Variants in GABRB2 observed in about 807,000 individuals in gnomAD.
GABRB2 encodes gamma-aminobutyric acid type A receptor subunit beta2, also known as gamma-aminobutyric acid receptor subunit beta-2.
Under a neutral mutation model 54.7 loss-of-function variants are expected in GABRB2, and 16 were observed. The observed-to-expected ratio is 0.29, with a 90% confidence interval of 0.20 to 0.44. The LOEUF (loss-of-function observed/expected upper bound fraction) is 0.44, where lower values mean the gene tolerates loss of function less well. Ranked by LOEUF, GABRB2 falls within the 20% of genes least tolerant of loss-of-function variation. The pLI, the probability that GABRB2 is intolerant of heterozygous loss-of-function variation, is 1.00. For missense variants in GABRB2, 355 were observed against 644.0 expected (o/e 0.55, Z 4.86); for synonymous variants, 244 against 233.8 (o/e 1.04, Z -0.40).
rs541513242 is a variant in GABRB2 at position 161,470,252 on chromosome 5, G to A, written c.238-10408C>T. 6.7e-4 allele frequency among the ~76,000 whole-genome samples: 102 copies of A among 151,762 alleles called. 2 individuals carry two copies. In the South Asian group the frequency reaches 0.02, roughly 30 times the overall value. Reference sequence around the variant, plus strand: ...TACTGAATTGAACAGTTATTTAGATGAGGGGAATAATCTCCACAACTAAAC... The same window carrying A: ...TACTGAATTGAACAGTTATTTAGATAAGGGGAATAATCTCCACAACTAAAC... On this transcript the variant is annotated intron_variant, in intron 3 of 9. Coordinates refer to ENST00000393959, the MANE Select transcript of GABRB2 (RefSeq NM_001371727.1).
intron 9 of GABRB2, among the ~76,000 whole-genome samples, chr5:161,297,415 A>G (rs574850723): frequency 2.6e-5 from 4 of 152,174 alleles, no homozygotes; most frequent in South Asian, 2.1e-4. Context: ...TATTTCTCCT[A>G]ATGCTATCCC....
intron 9 of GABRB2, among the ~76,000 whole-genome samples, chr5:161,323,849 T>C (rs1390492567): frequency 6.6e-6 from 1 of 152,208 alleles, no homozygotes; most frequent in Non-Finnish European, 1.5e-5. Flanking sequence ...GGCTATTAGG[T>C]ATGTAAACTA....
At chr5:161,334,949 A>G in intron 6 of GABRB2, 45 bp from the exon 7 acceptor site, 1 of 1,587,688 alleles carries the variant, frequency 6.3e-7, no homozygotes, top group South Asian at 1.1e-5. Context: ...ATCAATATTT[A>G]TAGGATACTT....
At chr5:161,469,258 CTT>C (rs1412232574) in intron 3 of GABRB2, among the ~76,000 whole-genome samples, 3 of 151,666 alleles carry the variant, frequency 2.0e-5, no homozygotes, top group Non-Finnish European at 4.4e-5. Flanking sequence ...ACAAATATGT[CTT>C]TATGCATATT....
chr5:161,398,693 T>C (rs1756082549), intron 5 of GABRB2, among the ~76,000 whole-genome samples: 1 of 152,028 alleles, frequency 6.6e-6, no homozygotes, highest in African/African-American at 2.4e-5. Context: ...TTGTTGTTTT[T>C]GTTTTGTTTT....
At chr5:161,457,537 C>G (rs904526078) in intron 4 of GABRB2, among the ~76,000 whole-genome samples, 30 of 151,634 alleles carry the variant, frequency 2.0e-4, no homozygotes, top group African/African-American at 7.0e-4. Flanking sequence ...GCTCCGCCTC[C>G]CAGGTTCACA....
chr5:161,502,357 A>G (rs1250762409), intron 3 of GABRB2, among the ~76,000 whole-genome samples: 3 of 152,194 alleles, frequency 2.0e-5, no homozygotes, highest in Non-Finnish European at 4.4e-5. Flanking sequence ...ATTATTTATT[A>G]GAATAGATAC....
chr5:161,299,234 G>A (rs1757467391), intron 9 of GABRB2, among the ~76,000 whole-genome samples: 1 of 152,164 alleles, frequency 6.6e-6, no homozygotes, highest in African/African-American at 2.4e-5. Flanking sequence ...TCCCATTTCT[G>A]TATGGGAAAC....
At chr5:161,501,018 T>C (rs1476056971) in intron 3 of GABRB2, among the ~76,000 whole-genome samples, 1 of 151,708 alleles carries the variant, frequency 6.6e-6, no homozygotes, top group Non-Finnish European at 1.5e-5. Context: ...CAGAGTGTGA[T>C]GTTCCCCTTC....
Position 161,349,255 on chromosome 5 carries a change from A to G in GABRB2, c.542-12486T>C, listed in dbSNP as rs555067408. Among the ~76,000 whole-genome samples the G allele has an allele frequency of 3.3e-5, 5 of 152,220 alleles. No individual in the cohort carries two copies. In the South Asian group the frequency reaches 8.3e-4, roughly 25 times the overall value. ...AAAAAAATTCCTTAAATAAACTTAA[A>G]AAAAAACCCAAAACAAACTACGGGA... On this transcript the variant is annotated intron_variant, in intron 5 of 9. Transcript: ENST00000393959.
chr5:161,459,044 A>C (rs1758047405), intron 4 of GABRB2: 2 of 152,516 alleles, frequency 1.3e-5, no homozygotes, highest in Non-Finnish European at 2.9e-5. Flanking sequence ...TTAAAAGAAA[A>C]ACTATCTTAT....
chr5:161,320,008 T>A (rs1758161646), intron 9 of GABRB2, among the ~76,000 whole-genome samples: 1 of 151,728 alleles, frequency 6.6e-6, no homozygotes, highest in Non-Finnish European at 1.5e-5. Context: ...GTTATGCTTT[T>A]AAAAATTACT....
At chr5:161,429,357 A>AAAAAAAAAAAAAAAAAAAAAAAT (rs1402875797) in intron 4 of GABRB2, among the ~76,000 whole-genome samples, 7 of 108,238 alleles carry the variant, frequency 6.5e-5, no homozygotes, top group Admixed American at 1.9e-4. Context: ...AAAAAAAAAA[A>AAAAAAAAAAAAAAAAAAAAAAAT]AGAAAAAGAA....
At chr5:161,446,238 GC>G (rs1194620768) in intron 4 of GABRB2, among the ~76,000 whole-genome samples, 6 of 152,026 alleles carry the variant, frequency 3.9e-5, no homozygotes, top group Non-Finnish European at 7.4e-5. Flanking sequence ...TCCACCTAGA[GC>G]AACAAGAGGT....
intron 5 of GABRB2, among the ~76,000 whole-genome samples, chr5:161,340,087 A>C (rs1754112467): frequency 6.6e-6 from 1 of 152,032 alleles, no homozygotes; most frequent in South Asian, 2.1e-4. Flanking sequence ...CTTTCCTCCT[A>C]ATCTTCCTCA....
intron 5 of GABRB2, among the ~76,000 whole-genome samples, chr5:161,393,246 T>C (rs1429428236): frequency 7.5e-6 from 1 of 133,862 alleles, no homozygotes; most frequent in Non-Finnish European, 1.5e-5. Flanking sequence ...CAAAAGGAAC[T>C]GCTAAGGTAT....
chr5:161,302,029 C>T (rs978276360), intron 9 of GABRB2, among the ~76,000 whole-genome samples: 2 of 152,196 alleles, frequency 1.3e-5, no homozygotes, highest in African/African-American at 4.8e-5. Context: ...TTAAGATGGA[C>T]TGATTTATTT....
At chr5:161,307,468 TAC>T (rs1340885927) in intron 9 of GABRB2, among the ~76,000 whole-genome samples, 1 of 151,856 alleles carries the variant, frequency 6.6e-6, no homozygotes, top group Non-Finnish European at 1.5e-5. Context: ...AGACCATTTA[TAC>T]AGTTTCTTAA....
intron 4 of GABRB2, among the ~76,000 whole-genome samples, chr5:161,411,791 C>G (rs1291890118): frequency 6.6e-6 from 1 of 150,630 alleles, no homozygotes; most frequent in Admixed American, 6.6e-5. Context: ...TTCTAGAAGC[C>G]AAAAAATATA....
Sources: gnomAD v4.1 joint callset for allele counts (sites outside exome capture counted in the v4.1 genomes callset) on GRCh38, gnomAD v4.1.1 for gene constraint, MANE v1.5 for transcripts, NCBI Gene and HGNC (gene_info 2026-07-23, HGNC 2026-07-21) for gene names.